Variants in SATB2 observed in about 807,000 individuals in gnomAD.
SATB2 encodes the protein DNA-binding protein SATB2.
Under a neutral mutation model 73.4 loss-of-function variants are expected in SATB2, and 1 was observed. The ratio of observed to expected loss-of-function variants is 0.01; its 90% CI spans 0.00 to 0.06. The LOEUF (loss-of-function observed/expected upper bound fraction) is 0.06. Ranked by LOEUF, SATB2 falls within the 10% of genes least tolerant of loss-of-function variation. The pLI is 1.00. For missense variants in SATB2, 459 were observed against 945.8 expected (o/e 0.49, Z 6.75); for synonymous variants, 397 against 367.0 (o/e 1.08, Z -0.93).
intron 10 of SATB2, among the ~76,000 whole-genome samples, chr2:199,307,190 T>C (rs1167966460): frequency 1.3e-5 from 2 of 152,178 alleles, no homozygotes; most frequent in Non-Finnish European, 2.9e-5. Flanking sequence ...TCTGAGGCTA[T>C]CCATTTCATT....
At chr2:199,431,089 C>T (rs938801827) in intron 3 of SATB2, among the ~76,000 whole-genome samples, 1 of 152,186 alleles carries the variant, frequency 6.6e-6, no homozygotes, top group African/African-American at 2.4e-5. Context: ...AAACATGAAA[C>T]AATCAACAAA....
intron 2 of SATB2, among the ~76,000 whole-genome samples, chr2:199,454,169 T>C (rs781314325): frequency 6.6e-6 from 1 of 152,100 alleles, no homozygotes; most frequent in African/African-American, 2.4e-5. Context: ...CAACATGATA[T>C]AGAGGAGGGG....
In SATB2 at chr2:199,433,928, AAAAGTAATATATTTCTCTTT is replaced by A. The variant is rs1249337972; in HGVS notation, c.170-434_170-415del. Among the ~76,000 whole-genome samples, 8 of 152,026 alleles carry A rather than the reference AAAAGTAATATATTTCTCTTT, an allele frequency of 5.3e-5. No homozygotes were observed. In the East Asian group the frequency reaches 1.4e-3, roughly 26 times the overall value. ...TAATAAATATATTACTTTTACACGT[AAAAGTAATATATTTCTCTTT>A]AAATATATTACTTTTACGTGTAAAA... On this transcript the variant is annotated intron_variant, in intron 2 of 10. Transcript: ENST00000417098.
intron 9 of SATB2, among the ~76,000 whole-genome samples, chr2:199,322,844 A>G (rs2105787729): frequency 6.6e-6 from 1 of 152,294 alleles, no homozygotes; most frequent in East Asian, 1.9e-4. Flanking sequence ...TATAGCACAC[A>G]ACAGAAGATT....
intron 3 of SATB2, among the ~76,000 whole-genome samples, chr2:199,410,899 A>C (rs1041738075): frequency 2.0e-5 from 3 of 152,144 alleles, no homozygotes; most frequent in African/African-American, 7.2e-5. Context: ...GTAAATATAA[A>C]AATAAAGTTT....
chr2:199,403,097 A>G (rs927158326), intron 3 of SATB2, among the ~76,000 whole-genome samples: 1 of 152,204 alleles, frequency 6.6e-6, no homozygotes, highest in Non-Finnish European at 1.5e-5. Context: ...ATTATTGTCT[A>G]TTATCCTAGT....
At chr2:199,447,447 C>CT (rs1013163288) in intron 2 of SATB2, among the ~76,000 whole-genome samples, 4 of 152,266 alleles carry the variant, frequency 2.6e-5, no homozygotes, top group Admixed American at 2.6e-4. Context: ...ACTCTCTCCC[C>CT]TTCAGCCTAG....
At chr2:199,305,829 C>A (rs547474964) in intron 10 of SATB2, among the ~76,000 whole-genome samples, 4 of 152,104 alleles carry the variant, frequency 2.6e-5, no homozygotes, top group South Asian at 2.1e-4. Flanking sequence ...AAATAGTGTA[C>A]CCTAATTACC....
chr2:199,337,758 T>C (rs1688378788), intron 7 of SATB2, among the ~76,000 whole-genome samples: 1 of 152,190 alleles, frequency 6.6e-6, no homozygotes, highest in Non-Finnish European at 1.5e-5. Context: ...ACCTAGTAAT[T>C]TCAAATTGAT....
rs548801095 is a variant in SATB2 at position 199,270,312 on chromosome 2, A to G, written c.*1899T>C. ...AGCTAGAATTAGCTTGTATTGCAAC[A>G]TGTCTTCTCCCTGTATATTGTAAGT... On this transcript the variant is annotated 3_prime_UTR_variant, in exon 11 of 11. Coordinates refer to ENST00000417098, the MANE Select transcript of SATB2 (RefSeq NM_001172509.2). 7 of 152,836 alleles carry G rather than the reference A, an allele frequency of 4.6e-5. No individual in the cohort carries two copies. The highest frequency in any genetic ancestry group is 1.7e-4 in the African/African-American group (7 of 41,566). 9.5% of individuals were successfully genotyped at this position (152,836 alleles called of 1,614,324 possible). A position where few individuals can be genotyped will look rare whatever the true frequency, so the allele number is the denominator to read the frequency against.
chr2:199,383,334 T>C (rs980842591), intron 3 of SATB2, among the ~76,000 whole-genome samples: 1 of 152,168 alleles, frequency 6.6e-6, no homozygotes, highest in African/African-American at 2.4e-5. Flanking sequence ...GCACACAGCA[T>C]GTAGTAGTCA....
At chr2:199,403,369 A>G (rs1690538801) in intron 3 of SATB2, among the ~76,000 whole-genome samples, 2 of 152,118 alleles carry the variant, frequency 1.3e-5, no homozygotes, top group Non-Finnish European at 2.9e-5. Context: ...TGTAATATTA[A>G]GTGAAAAACT....
At position 199,318,523 on chromosome 2, in the gene SATB2, T is replaced by C. The variant is rs888632779; in HGVS notation, c.1542+5280A>G. The stretch of plus-strand genomic sequence containing the variant: ...CACAGTTACGATATCAATTAGGACA[T>C]AAACATACACATATACTCCCATGCA... On this transcript the variant is annotated intron_variant, in intron 9 of 10. Coordinates refer to ENST00000417098, the MANE Select transcript of SATB2 (RefSeq NM_001172509.2). Among the ~76,000 whole-genome samples, 20 of 152,206 alleles carry C rather than the reference T, an allele frequency of 1.3e-4. No individual in the cohort carries two copies. The East Asian group carries it at 2.3e-3, about 18-fold the overall frequency.
chr2:199,376,358 ATACTT>A (rs1200542599), intron 5 of SATB2, among the ~76,000 whole-genome samples: 3 of 152,232 alleles, frequency 2.0e-5, no homozygotes, highest in African/African-American at 7.2e-5. Context: ...TAATAAAACT[ATACTT>A]TATGAAACAT....
chr2:199,272,752 G>T lies in SATB2; in HGVS notation c.1741-80C>A. 1 of 1,280,528 alleles carries T rather than the reference G, an allele frequency of 7.8e-7. No homozygotes were observed. Among genetic ancestry groups the T allele is most frequent in the Non-Finnish European group, 1.1e-6 (1 of 877,800 alleles). 79.3% of individuals were successfully genotyped at this position (1,280,528 alleles called of 1,614,324 possible). A position where few individuals can be genotyped will look rare whatever the true frequency, so the allele number is the denominator to read the frequency against. ...AAACCATCAGCCCTCTGAAATATGT[G>T]TTATCTATCTAGCACTGGAGGTAAG... On this transcript the variant is annotated intron_variant, in intron 10 of 10. Coordinates refer to ENST00000417098, the MANE Select transcript of SATB2 (RefSeq NM_001172509.2). The surrounding 1 kb of genome is among the most constrained non-coding windows in gnomAD (Gnocchi z 6.7).
intron 10 of SATB2, among the ~76,000 whole-genome samples, chr2:199,281,248 ATG>A: frequency 8.6e-6 from 1 of 116,038 alleles, no homozygotes; most frequent in Non-Finnish European, 1.8e-5. Flanking sequence ...AAAAAAAAGC[ATG>A]TGTGTATGTA....
At chr2:199,349,313 T>C in intron 6 of SATB2, 140 bp from the exon 7 acceptor site, 1 of 684,210 alleles carries the variant, frequency 1.5e-6, no homozygotes. Context: ...AGCTCCAGCA[T>C]AAAAGTGATA....
In SATB2 at chr2:199,308,690, G is replaced by A; in HGVS notation, c.1740+70C>T. 7.4e-7 allele frequency: 1 copy of A among 1,355,812 alleles called. No homozygotes were observed. Among genetic ancestry groups the A allele is most frequent in the South Asian group, 1.2e-5 (1 of 83,044 alleles). 84.0% of individuals were successfully genotyped at this position (1,355,812 alleles called of 1,614,324 possible). Reference sequence around the variant, plus strand: ...GAAGTTGGTGTGGTGTGTGCCACTTGGACCCTCAGCAGCTACTGCTGGCAC... The same window carrying A: ...GAAGTTGGTGTGGTGTGTGCCACTTAGACCCTCAGCAGCTACTGCTGGCAC... On this transcript the variant is annotated intron_variant, in intron 10 of 10. Transcript: ENST00000417098. This position sits in a 1 kb window ranked among gnomAD's most constrained non-coding sequence, Gnocchi z 4.6.
chr2:199,361,259 C>T (rs967901951), intron 6 of SATB2, among the ~76,000 whole-genome samples: 7 of 152,030 alleles, frequency 4.6e-5, no homozygotes, highest in Non-Finnish European at 7.4e-5. Context: ...TCTGTCACAA[C>T]CATCAAGAGT....
Sources: allele counts gnomAD v4.1 joint callset (sites outside exome capture counted in the v4.1 genomes callset), GRCh38; gene constraint gnomAD v4.1.1; non-coding constraint Gnocchi (gnomAD v3.1); transcripts MANE v1.5; gene names NCBI Gene and HGNC (gene_info 2026-07-23, HGNC 2026-07-21).